The following NOB1 variants were observed in gnomAD, a reference collection of about 807,000 sequenced individuals.
NOB1 encodes RNA-binding protein NOB1.
A neutral mutation model predicts 44.8 loss-of-function variants in NOB1; 44 were observed. That is an observed-to-expected ratio of 0.98 (90% CI 0.77 to 1.26). The LOEUF (loss-of-function observed/expected upper bound fraction) is 1.26. Among genes scored for constraint, NOB1 ranks in the 50% most tolerant of loss-of-function variants. The pLI is 0.00. For missense variants in NOB1, 560 were observed against 544.8 expected (o/e 1.03, Z -0.28); for synonymous variants, 238 against 218.7 (o/e 1.09, Z -0.78).
intron 7 of NOB1, among the ~76,000 whole-genome samples, chr16:69,746,225 C>T (rs1223277425): frequency 2.0e-5 from 3 of 152,240 alleles, no homozygotes; most frequent in Non-Finnish European, 4.4e-5. Flanking sequence ...AGAGAGGCAC[C>T]TTTGATGATT....
In NOB1 at chr16:69,749,292, G is replaced by A; in HGVS notation, c.446C>T (p.Pro149Leu). 6.2e-7 allele frequency: 1 copy of A among 1,612,492 alleles called. No individual in the cohort carries two copies. The highest frequency in any genetic ancestry group is 1.1e-5 in the South Asian group (1 of 90,622). ...GAAGGAACTAAATTCCAGGTTCTCA[G>A]GCTCACAAGCTGAGTGTCCTTTTTC... ...ETEKGHSACE[P>L]ENLEFSSFMF... The change falls in exon 5 of 9, where the codon CCT becomes CTT. Residue 149 changes from proline (P) to leucine (L), a missense_variant. Physicochemically the swap from Pro to Leu is moderately conservative, Grantham distance 98. Transcript: ENST00000268802.
At chr16:69,751,220 C>A (rs1369758546) in intron 3 of NOB1, among the ~76,000 whole-genome samples, 2 of 152,148 alleles carry the variant, frequency 1.3e-5, no homozygotes, top group Non-Finnish European at 2.9e-5. Context: ...GTTGCCCAGG[C>A]TGGTCTCAAA....
intron 2 of NOB1, among the ~76,000 whole-genome samples, chr16:69,753,541 A>AAT (rs952897961): frequency 6.6e-6 from 1 of 152,212 alleles, no homozygotes; most frequent in East Asian, 1.9e-4. Context: ...TTTATGTGTT[A>AAT]ATGCATTTCA....
At chr16:69,747,681 G>A (rs893793392) in intron 7 of NOB1, among the ~76,000 whole-genome samples, 1 of 152,130 alleles carries the variant, frequency 6.6e-6, no homozygotes, top group Admixed American at 6.5e-5. Flanking sequence ...AAAGAATGAG[G>A]CTCACTGTTC....
intron 8 of NOB1, 43 bp from the exon 9 acceptor site, chr16:69,742,644 A>C (rs1398577753): frequency 6.2e-7 from 1 of 1,601,004 alleles, no homozygotes; most frequent in Admixed American, 1.7e-5. Context: ...AAGGGGAGCC[A>C]CAGTCACACA....
chr16:69,749,491 G>A, intron 4 of NOB1, 68 bp downstream of exon 4: 8 of 1,547,236 alleles, frequency 5.2e-6, no homozygotes, highest in Non-Finnish European at 4.4e-6. Flanking sequence ...ACTGTGAAGA[G>A]ATGACTTAGA....
chr16:69,746,353 G>T (rs2038430931), intron 7 of NOB1, among the ~76,000 whole-genome samples: 1 of 152,178 alleles, frequency 6.6e-6, no homozygotes, highest in African/African-American at 2.4e-5. Flanking sequence ...AGGTCCTCAG[G>T]CCACACTCCA....
At chr16:69,746,404 C>T (rs1442064956) in intron 7 of NOB1, among the ~76,000 whole-genome samples, 1 of 152,214 alleles carries the variant, frequency 6.6e-6, no homozygotes, top group Non-Finnish European at 1.5e-5. Flanking sequence ...GCCTACCAGG[C>T]GGTTTCCAAG....
At chr16:69,752,625 C>T (rs1227776525) in intron 2 of NOB1, among the ~76,000 whole-genome samples, 1 of 152,142 alleles carries the variant, frequency 6.6e-6, no homozygotes, top group Non-Finnish European at 1.5e-5. Context: ...ACACCCTTAT[C>T]AAATACAGAG....
In NOB1 at chr16:69,748,910, C is replaced by CTA; in HGVS notation, c.726+6_726+7dup. The CTA allele has an allele frequency of 6.3e-7, 1 of 1,593,186 alleles. No homozygotes were observed. Among genetic ancestry groups the CTA allele is most frequent in the Non-Finnish European group, 8.6e-7 (1 of 1,168,632 alleles). Reference sequence around the variant, plus strand: ...GTGTGACACACGGCCCAGGCCCACCCTACCCACCTGCATGGCGAAGTCTGT... The same window carrying CTA: ...GTGTGACACACGGCCCAGGCCCACCCTATACCCACCTGCATGGCGAAGTCTGT... On this transcript the variant is annotated splice_region_variant and intron_variant, in intron 6 of 8. Transcript: ENST00000268802.
In NOB1 at chr16:69,746,573, T is replaced by C. The variant is rs565913583; in HGVS notation, c.825-1556A>G. Among the ~76,000 whole-genome samples the C allele has an allele frequency of 3.3e-5, 5 of 152,314 alleles. No homozygotes were observed. The East Asian group carries it at 9.6e-4, about 29-fold the overall frequency. On this transcript the variant is annotated intron_variant, in intron 7 of 8. Transcript: ENST00000268802. ...TACCACAGAGTCCTTGACACAACTG[T>C]CTTCCTAGTTCCTCACAACCACCTT...
rs575122853 is a variant in NOB1 at position 69,744,874 on chromosome 16, C to T, written c.968G>A (p.Arg323Gln). Residue 323 changes from arginine (R) to glutamine (Q), a missense_variant and splice_region_variant, in exon 8 of 9, where the codon CGG (arginine) becomes CAG (glutamine). Transcript: ENST00000268802. ...GGGACTGGGAGAGGCGCCACTCACC[C>T]GGAGGCCGCGGGGGTTCAGCACCTT... is the stretch of plus-strand genomic sequence containing the variant. ...NPKVLNPRGL[R>Q]YSLPTPKGGK... The T allele has an allele frequency of 1.2e-4, 197 of 1,612,512 alleles. 1 individual carries two copies. The South Asian group carries it at 1.9e-3, about 16-fold the overall frequency.
intron 4 of NOB1, 82 bp downstream of exon 4, chr16:69,749,477 G>A: frequency 6.5e-7 from 1 of 1,538,136 alleles, no homozygotes; most frequent in Non-Finnish European, 8.9e-7. Context: ...CGTAAATTTA[G>A]TTCACTGTGA....
Position 69,745,011 on chromosome 16 carries a change from C to T in NOB1, c.831G>A (p.Thr277=), listed in dbSNP as rs530522292. The stretch of plus-strand genomic sequence containing the variant: ...AGCAGAACACTCGGCTCATGTCAGA[C>T]GTTGTCCTGGGAGACACAAAAGGAG... ...ILRCHGCFKT[T]SDMSRVFCSH... The change falls in exon 8 of 9, where the codon ACG becomes ACA. Residue 277 remains threonine (T), a synonymous_variant. Coordinates refer to ENST00000268802, the MANE Select transcript of NOB1 (RefSeq NM_014062.3). The T allele has an allele frequency of 2.5e-5, 41 of 1,614,114 alleles. No homozygotes were observed. The highest frequency in any genetic ancestry group is 1.8e-4 in the East Asian group (8 of 44,880).
intron 3 of NOB1, among the ~76,000 whole-genome samples, chr16:69,751,843 C>T (rs1006294480): frequency 6.6e-6 from 1 of 152,054 alleles, no homozygotes; most frequent in East Asian, 1.9e-4. Context: ...GGGCGCATCA[C>T]CTGAAGTCAG....
intron 2 of NOB1, among the ~76,000 whole-genome samples, chr16:69,752,589 G>C (rs537410909): frequency 6.6e-6 from 1 of 152,338 alleles, no homozygotes; most frequent in East Asian, 1.9e-4. Context: ...CCACCACCAA[G>C]ATTCATGCCA....
At position 69,748,741 on chromosome 16, in the gene NOB1, A is replaced by C; in HGVS notation, c.726+177T>G. ...TTTAATGTACTATACAAATGTTGTC[A>C]TTATATGACGATTGTCTAGCCTCTA... On this transcript the variant is annotated intron_variant, in intron 6 of 8. Coordinates refer to ENST00000268802, the MANE Select transcript of NOB1 (RefSeq NM_014062.3). 3 of 596,168 alleles carry C rather than the reference A, an allele frequency of 5.0e-6. 1 individual carries two copies. Among genetic ancestry groups the C allele is most frequent in the South Asian group, 4.4e-5 (2 of 45,088 alleles). 36.9% of individuals were successfully genotyped at this position (596,168 alleles called of 1,614,324 possible). A position where few individuals can be genotyped will look rare whatever the true frequency, so the allele number is the denominator to read the frequency against.
Position 69,742,143 on chromosome 16 carries a change from G to A in NOB1, c.*189C>T. 1.6e-6 allele frequency: 1 copy of A among 623,562 alleles called. No individual in the cohort carries two copies. 38.6% of individuals were successfully genotyped at this position (623,562 alleles called of 1,614,324 possible). On this transcript the variant is annotated 3_prime_UTR_variant, in exon 9 of 9. Transcript: ENST00000268802. Reference sequence around the variant, plus strand: ...CCTTGGCAGGCAGCCAGGCGCTCCGGTGCTCACAGGCCATGGGACAGTCCA... The same window carrying A: ...CCTTGGCAGGCAGCCAGGCGCTCCGATGCTCACAGGCCATGGGACAGTCCA...
In NOB1 at chr16:69,754,893, G is replaced by T. The variant is rs148444486; in HGVS notation, c.18C>A (p.His6Gln). The change falls in exon 1 of 9, where the codon CAC (histidine) becomes CAA (glutamine). Residue 6 changes from histidine to glutamine, a missense_variant. Coordinates refer to ENST00000268802, the MANE Select transcript of NOB1 (RefSeq NM_014062.3). MAPVE[H>Q]VVADAGAFLR... ...GGAAAGCCCCAGCATCCGCCACAAC[G>T]TGCTCCACTGGAGCCATGTTGGCTG... 20 of 1,592,278 alleles carry T rather than the reference G, an allele frequency of 1.3e-5. No homozygotes were observed. The highest frequency in any genetic ancestry group is 1.8e-5 in the Admixed American group (1 of 56,238).
Sources: allele counts gnomAD v4.1 joint callset (sites outside exome capture counted in the v4.1 genomes callset), GRCh38; gene constraint gnomAD v4.1.1; transcripts MANE v1.5; gene names NCBI Gene and HGNC (gene_info 2026-07-23, HGNC 2026-07-21).